Variants in CFAP299 observed in about 807,000 individuals in gnomAD.
CFAP299 encodes cilia- and flagella-associated protein 299.
In CFAP299, 21 loss-of-function variants were observed where a neutral mutation model predicts 27.0. The ratio of observed to expected loss-of-function variants is 0.78; its 90% CI spans 0.55 to 1.12. The LOEUF is 1.12. CFAP299 is among the 50% of genes most tolerant of loss of function. The pLI is 0.00. For missense variants in CFAP299, 310 were observed against 276.6 expected (o/e 1.12, Z -0.86); for synonymous variants, 104 against 98.1 (o/e 1.06, Z -0.36).
intron 3 of CFAP299, among the ~76,000 whole-genome samples, chr4:80,829,501 T>C (rs1270379582): frequency 1.3e-5 from 2 of 152,102 alleles, no homozygotes; most frequent in Non-Finnish European, 2.9e-5. Flanking sequence ...ATAGAGGTTG[T>C]AGAAACCAGT....
chr4:80,555,178 A>C (rs907211810), intron 2 of CFAP299, among the ~76,000 whole-genome samples: 2 of 152,146 alleles, frequency 1.3e-5, no homozygotes, highest in African/African-American at 4.8e-5. Context: ...TGTTTCTTCA[A>C]TACCTAGTTG....
At chr4:80,864,140 T>C (rs1732547254) in intron 3 of CFAP299, among the ~76,000 whole-genome samples, 1 of 152,016 alleles carries the variant, frequency 6.6e-6, no homozygotes, top group South Asian at 2.1e-4. Flanking sequence ...TTAAACTTCA[T>C]TGTGAATTTT....
intron 1 of CFAP299, among the ~76,000 whole-genome samples, chr4:80,341,387 G>A (rs181619538): frequency 4.3e-4 from 65 of 152,222 alleles, no homozygotes; most frequent in African/African-American, 1.4e-3. Flanking sequence ...TCCTGACTGA[G>A]GTCTCTCAAC....
At chr4:80,649,774 TTTG>T (rs976870644) in intron 3 of CFAP299, among the ~76,000 whole-genome samples, 15 of 152,034 alleles carry the variant, frequency 9.9e-5, no homozygotes, top group Non-Finnish European at 1.9e-4. Context: ...GCTCAAATTG[TTTG>T]TTATTAAAAA....
At chr4:80,747,861 T>C (rs2110068725) in intron 3 of CFAP299, among the ~76,000 whole-genome samples, 1 of 152,208 alleles carries the variant, frequency 6.6e-6, no homozygotes, top group Middle Eastern at 3.4e-3. Flanking sequence ...CTGTCATTTA[T>C]ATGCTGATGA....
At chr4:80,390,691 ATG>A (rs371689104) in intron 2 of CFAP299, among the ~76,000 whole-genome samples, 9 of 106,580 alleles carry the variant, frequency 8.4e-5, no homozygotes, top group Non-Finnish European at 1.5e-4. Flanking sequence ...ACACACATAT[ATG>A]TGTATATATG....
At chr4:80,577,781 A>G (rs1387647106) in intron 2 of CFAP299, among the ~76,000 whole-genome samples, 1 of 152,194 alleles carries the variant, frequency 6.6e-6, no homozygotes, top group African/African-American at 2.4e-5. Flanking sequence ...AAAATAATTG[A>G]TATCACAAAT....
At chr4:80,351,484 A>G (rs1723012687) in intron 1 of CFAP299, among the ~76,000 whole-genome samples, 1 of 152,128 alleles carries the variant, frequency 6.6e-6, no homozygotes, top group African/African-American at 2.4e-5. Flanking sequence ...GTAGACATAT[A>G]ACTAAAAATG....
chr4:80,790,090 C>T (rs1727467978), intron 3 of CFAP299, among the ~76,000 whole-genome samples: 1 of 151,972 alleles, frequency 6.6e-6, no homozygotes, highest in Non-Finnish European at 1.5e-5. Context: ...ATTTCTATTA[C>T]AGTTCTTTTG....
intron 3 of CFAP299, among the ~76,000 whole-genome samples, chr4:80,690,373 C>T (rs1303446038): frequency 6.6e-6 from 1 of 152,072 alleles, no homozygotes; most frequent in African/African-American, 2.4e-5. Context: ...CAAACTAGAA[C>T]TCAGGATTAA....
chr4:80,713,358 T>C (rs188542727), intron 3 of CFAP299, among the ~76,000 whole-genome samples: 4 of 152,280 alleles, frequency 2.6e-5, no homozygotes, highest in Non-Finnish European at 2.9e-5. Context: ...TTGTGTGCAG[T>C]TTTGAGAACT....
At chr4:80,853,645 T>C (rs1364489040) in intron 3 of CFAP299, among the ~76,000 whole-genome samples, 3 of 151,968 alleles carry the variant, frequency 2.0e-5, no homozygotes, top group Non-Finnish European at 4.4e-5. Context: ...ATAGGGAAAA[T>C]AGTGGGAATC....
intron 2 of CFAP299, among the ~76,000 whole-genome samples, chr4:80,572,744 C>T (rs950422228): frequency 2.6e-5 from 4 of 151,956 alleles, no homozygotes; most frequent in Non-Finnish European, 5.9e-5. Flanking sequence ...GTCTCAAACT[C>T]CTGATGTCGT....
intron 4 of CFAP299, chr4:80,871,783 G>A (rs2110169205): frequency 3.0e-6 from 1 of 336,290 alleles, no homozygotes; most frequent in Middle Eastern, 1.6e-3. Flanking sequence ...AAACATCTTG[G>A]CATTATCATA....
intron 2 of CFAP299, among the ~76,000 whole-genome samples, chr4:80,482,142 A>C (rs911849500): frequency 3.3e-5 from 5 of 151,860 alleles, no homozygotes; most frequent in African/African-American, 1.2e-4. Flanking sequence ...GAATATAAGG[A>C]AAGATTTTAT....
chr4:80,469,519 A>C (rs990308236), intron 2 of CFAP299, among the ~76,000 whole-genome samples: 2 of 152,234 alleles, frequency 1.3e-5, no homozygotes, highest in African/African-American at 2.4e-5. Flanking sequence ...ATTAGTATGA[A>C]TATAATATTA....
chr4:80,343,002 CAG>C (rs571622169), intron 1 of CFAP299, among the ~76,000 whole-genome samples: 128 of 152,084 alleles, frequency 8.4e-4, no homozygotes, highest in Admixed American at 2.0e-3. Context: ...AAATGGAAAA[CAG>C]AAAAAAGCAG....
intron 5 of CFAP299, among the ~76,000 whole-genome samples, chr4:80,953,023 C>T (rs879616706): frequency 3.3e-5 from 5 of 152,096 alleles, no homozygotes; most frequent in African/African-American, 1.2e-4. Flanking sequence ...CAGTGAAGGT[C>T]CTCAGTTTTA....
At chr4:80,900,406 C>G (rs1213472775) in intron 4 of CFAP299, among the ~76,000 whole-genome samples, 1 of 152,042 alleles carries the variant, frequency 6.6e-6, no homozygotes, top group African/African-American at 2.4e-5. Flanking sequence ...TTGTATATCT[C>G]ATGTTTAAAG....
Sources: allele counts gnomAD v4.1 joint callset (sites outside exome capture counted in the v4.1 genomes callset), GRCh38; gene constraint gnomAD v4.1.1; transcripts MANE v1.5; gene names NCBI Gene and HGNC (gene_info 2026-07-23, HGNC 2026-07-21).